GGA1: variants seen among roughly 807,000 people sequenced by gnomAD.
GGA1 encodes golgi associated, gamma adaptin ear containing, ARF binding protein 1.
A neutral mutation model predicts 76.9 loss-of-function variants in GGA1; 18 were observed. The ratio of observed to expected loss-of-function variants is 0.23; its 90% CI spans 0.16 to 0.35. GGA1 has a LOEUF of 0.35. Ranked by LOEUF, GGA1 falls within the 10% of genes least tolerant of loss-of-function variation. GGA1 has a pLI of 1.00. For missense variants in GGA1, 755 were observed against 859.0 expected (o/e 0.88, Z 1.51); for synonymous variants, 342 against 354.7 (o/e 0.96, Z 0.40).
Position 37,632,918 on chromosome 22 carries a change from T to G in GGA1, c.*207T>G. Reference sequence around the variant, plus strand: ...TGCTGAGCCAAACCCAGTAGGAGGCTGGGCCTGGGTTTGTGCCGCTGGGGT... The same window carrying G: ...TGCTGAGCCAAACCCAGTAGGAGGCGGGGCCTGGGTTTGTGCCGCTGGGGT... On this transcript the variant is annotated 3_prime_UTR_variant, in exon 17 of 17. Coordinates refer to ENST00000343632, the MANE Select transcript of GGA1 (RefSeq NM_013365.5). This position sits in a 1 kb window ranked among gnomAD's most constrained non-coding sequence, Gnocchi z 5.1. 1.7e-6 allele frequency: 1 copy of G among 576,128 alleles called. No homozygotes were observed. The highest frequency in any genetic ancestry group is 2.1e-5 in the South Asian group (1 of 47,248). The allele number at this position is 576,128 out of a possible 1,614,324, so 35.7% of individuals were successfully genotyped here. A position where few individuals can be genotyped will look rare whatever the true frequency, so the allele number is the denominator to read the frequency against.
chr22:37,609,000 C>T (rs1480862981), intron 1 of GGA1, 97 bp downstream of exon 1: 49 of 1,362,380 alleles, frequency 3.6e-5, no homozygotes, highest in Non-Finnish European at 4.4e-5. Flanking sequence ...GTCGCCCCCT[C>T]CTCACGCCCC....
intron 11 of GGA1, chr22:37,626,944 T>A (rs1047425955): frequency 1.3e-5 from 2 of 152,270 alleles, no homozygotes; most frequent in African/African-American, 4.8e-5. Context: ...GAGGGATTAC[T>A]TGAGGTCAGG....
rs759598129 is a variant in GGA1 at position 37,630,061 on chromosome 22, C to A, written c.1222C>A (p.Pro408Thr). The A allele has an allele frequency of 1.2e-6, 2 of 1,605,516 alleles. No individual in the cohort carries two copies. The highest frequency in any genetic ancestry group is 1.1e-5 in the South Asian group (1 of 90,822). Residue 408 changes from proline (P) to threonine (T), a missense_variant, in exon 13 of 17, where the codon CCC becomes ACC. Pro to Thr is a conservative substitution (Grantham distance 38). Transcript: ENST00000343632. ...LAQAPSMESR[P>T]PAQTSLPASS... ...CCAGGCCCCCAGTATGGAAAGCCGA[C>A]CCCCAGCGCAGACATCCCTGCCAGC...
Position 37,625,342 on chromosome 22 carries a change from C to T in GGA1, c.940+266C>T, listed in dbSNP as rs1377187872. Among the ~76,000 whole-genome samples the T allele has an allele frequency of 5.9e-5, 9 of 152,078 alleles. No homozygotes were observed. Among genetic ancestry groups the T allele is most frequent in the Admixed American group, 5.2e-4 (8 of 15,272 alleles). On this transcript the variant is annotated intron_variant, in intron 10 of 16. Transcript: ENST00000343632. The surrounding 1 kb of genome is among the most constrained non-coding windows in gnomAD (Gnocchi z 4.1). The stretch of plus-strand genomic sequence containing the variant: ...GCATTCTTTCATTTGACAAATCTGG[C>T]ACCTGTTGTATAGGGCTAGATGACA...
chr22:37,631,459 T>C (rs969749844), intron 14 of GGA1, among the ~76,000 whole-genome samples: 5 of 152,088 alleles, frequency 3.3e-5, no homozygotes, highest in South Asian at 2.1e-4. Context: ...GCTGGGTTTT[T>C]CCAGCCCAGG....
In GGA1 at chr22:37,631,015, GA is replaced by G. The variant is rs773086348; in HGVS notation, c.1445del (p.Glu482GlyfsTer34). On this transcript the variant is annotated frameshift_variant, in exon 14 of 17. Transcript: ENST00000343632. LOFTEE classifies it high-confidence loss of function. ...CAGCCTTCTCCACACCGTGTCCCCA[GA>G]GCCCCCCAGGCCTCCGCAGCAGCCC... ...ATSLLHTVSP[E>X]PPRPPQQPVP... is the part of the protein sequence containing the mutation. The G allele has an allele frequency of 6.2e-7, 1 of 1,613,474 alleles. No homozygotes were observed. The highest frequency in any genetic ancestry group is 1.7e-5 in the Admixed American group (1 of 59,896).
chr22:37,624,998 A>G lies in GGA1; in HGVS notation c.862A>G (p.Thr288Ala). Residue 288 changes from threonine to alanine, a missense_variant, in exon 10 of 17, where the codon ACC (threonine) becomes GCC (alanine). Transcript: ENST00000343632. The surrounding 1 kb of genome is among the most constrained non-coding windows in gnomAD (Gnocchi z 4.3). ...AEILQANDNL[T>A]QVINLYKQLV... ...GATCCTGCAGGCCAATGACAACCTC[A>G]CCCAGGTGATCAACCTGTATAAGCA... is the stretch of plus-strand genomic sequence containing the variant. The G allele has an allele frequency of 6.3e-7, 1 of 1,597,174 alleles. No individual in the cohort carries two copies. Among genetic ancestry groups the G allele is most frequent in the South Asian group, 1.1e-5 (1 of 88,364 alleles).
chr22:37,625,250 G>T lies in GGA1; in HGVS notation c.940+174G>T, dbSNP rs938405571. Among the ~76,000 whole-genome samples, 1 of 152,160 alleles carries T rather than the reference G, an allele frequency of 6.6e-6. No individual in the cohort carries two copies. The highest frequency in any genetic ancestry group is 2.1e-4 in the South Asian group (1 of 4,832). On this transcript the variant is annotated intron_variant, in intron 10 of 16. Transcript: ENST00000343632. This position sits in a 1 kb window ranked among gnomAD's most constrained non-coding sequence, Gnocchi z 4.1. ...TGGGGGTGAAGTCTGTGCCAAGCCT[G>T]CAGCTGTGGGGGAAGAAGTCTGGTG...
chr22:37,632,790 C>T lies in GGA1; in HGVS notation c.*79C>T, dbSNP rs184023198. The T allele has an allele frequency of 1.0e-4, 87 of 866,740 alleles. 1 individual carries two copies. Among genetic ancestry groups the T allele is most frequent in the Middle Eastern group, 2.5e-4 (1 of 4,052 alleles). The allele number at this position is 866,740 out of a possible 1,614,324, so 53.7% of individuals were successfully genotyped here. On this transcript the variant is annotated 3_prime_UTR_variant, in exon 17 of 17. Coordinates refer to ENST00000343632, the MANE Select transcript of GGA1 (RefSeq NM_013365.5). This position sits in a 1 kb window ranked among gnomAD's most constrained non-coding sequence, Gnocchi z 5.1. Reference sequence around the variant, plus strand: ...GGAGGGAGGCATTGGTGGCCAAGGACACCCTTTGTTGCCCATGGCCATTCA... The same window carrying T: ...GGAGGGAGGCATTGGTGGCCAAGGATACCCTTTGTTGCCCATGGCCATTCA...
At chr22:37,622,406 A>G (rs1280402888) in intron 7 of GGA1, among the ~76,000 whole-genome samples, 3 of 150,724 alleles carry the variant, frequency 2.0e-5, no homozygotes, top group African/African-American at 4.9e-5. Context: ...GTAAATATAC[A>G]TATGTTGCCT....
chr22:37,612,803 A>T, intron 1 of GGA1: 1 of 520,280 alleles, frequency 1.9e-6, no homozygotes, highest in Non-Finnish European at 2.5e-6. Flanking sequence ...ATTTCATTCC[A>T]GCTTTACAAG....
chr22:37,630,412 C>T, intron 13 of GGA1: 1 of 517,126 alleles, frequency 1.9e-6, no homozygotes, highest in Non-Finnish European at 3.3e-6. Context: ...GTCCAGAGGG[C>T]CGGCAGAGGG....
At chr22:37,610,850 G>C (rs1390889113) in intron 1 of GGA1, among the ~76,000 whole-genome samples, 1 of 152,196 alleles carries the variant, frequency 6.6e-6, no homozygotes, top group Non-Finnish European at 1.5e-5. Flanking sequence ...AGGGTCAGGG[G>C]CCATGGGCCA....
intron 1 of GGA1, chr22:37,613,103 C>T (rs1273149725): frequency 1.2e-5 from 12 of 985,344 alleles, no homozygotes; most frequent in Non-Finnish European, 1.4e-5. Flanking sequence ...TGACCCAGCA[C>T]TGCTACCCTG....
chr22:37,610,513 G>C (rs78618063), intron 1 of GGA1: 1 of 152,012 alleles, frequency 6.6e-6, no homozygotes, highest in South Asian at 2.1e-4. Flanking sequence ...AGCTATTTTT[G>C]TATTTTTAGT....
intron 1 of GGA1, chr22:37,609,195 TCCAACCC>T (rs761622749): frequency 7.4e-7 from 1 of 1,353,000 alleles, no homozygotes; most frequent in South Asian, 1.4e-5. Flanking sequence ...GAGAGCAGCC[TCCAACCC>T]CCAAGGCTCA....
intron 14 of GGA1, among the ~76,000 whole-genome samples, chr22:37,631,731 C>T (rs1483084285): frequency 1.3e-5 from 2 of 152,216 alleles, no homozygotes; most frequent in Admixed American, 6.5e-5. Flanking sequence ...AGCCACACAG[C>T]ATCGGGGGAA....
rs748645220 is a variant in GGA1 at position 37,623,464 on chromosome 22, G to T, written c.747G>T (p.Met249Ile). 6.2e-7 allele frequency: 1 copy of T among 1,614,008 alleles called. No individual in the cohort carries two copies. Among genetic ancestry groups the T allele is most frequent in the Non-Finnish European group, 8.5e-7 (1 of 1,179,970 alleles). ...CAGCTGGCAGCAGCGAGGACCTCAT[G>T]AAGGTGCACCTGCCTCCCTGCCTAC... ...GAAAGSSEDL[M>I]KELYQRCERM... The change falls in exon 8 of 17, where the codon ATG (methionine) becomes ATT (isoleucine). Residue 249 changes from methionine to isoleucine, a missense_variant. By Grantham distance (10) the Met-to-Ile change is conservative (BLOSUM62 1). Coordinates refer to ENST00000343632, the MANE Select transcript of GGA1 (RefSeq NM_013365.5). This position sits in a 1 kb window ranked among gnomAD's most constrained non-coding sequence, Gnocchi z 4.6.
At position 37,614,288 on chromosome 22, in the gene GGA1, C is replaced by T; in HGVS notation, c.128+14C>T. The T allele has an allele frequency of 1.3e-6, 2 of 1,592,190 alleles. No individual in the cohort carries two copies. Among genetic ancestry groups the T allele is most frequent in the East Asian group, 2.2e-5 (1 of 44,776 alleles). On this transcript the variant is annotated intron_variant, in intron 2 of 16. Coordinates refer to ENST00000343632, the MANE Select transcript of GGA1 (RefSeq NM_013365.5). ...GGACTTTGAGGGGTAGGTGGCCGTC[C>T]CCACTTGTTTGCACTGCCCTGCACT...
Sources: allele counts gnomAD v4.1 joint callset (sites outside exome capture counted in the v4.1 genomes callset), GRCh38; gene constraint gnomAD v4.1.1; non-coding constraint Gnocchi (gnomAD v3.1); transcripts MANE v1.5; gene names NCBI Gene and HGNC (gene_info 2026-07-23, HGNC 2026-07-21).